CNIH3: variants seen among roughly 807,000 people sequenced by gnomAD.
CNIH3 encodes the protein protein cornichon homolog 3.
Under a neutral mutation model 24.1 loss-of-function variants are expected in CNIH3, and 14 were observed. That is an observed-to-expected ratio of 0.58 (90% CI 0.38 to 0.91). The LOEUF (loss-of-function observed/expected upper bound fraction) is 0.91. CNIH3 is among the 40% of genes least tolerant of loss of function. The pLI is 0.00. For synonymous variants in CNIH3, 68 were observed against 73.8 expected (o/e 0.92, Z 0.40); for missense variants, 178 against 196.8 (o/e 0.90, Z 0.57).
At chr1:224,686,818 G>A (rs570966410) in intron 3 of CNIH3, among the ~76,000 whole-genome samples, 11 of 152,362 alleles carry the variant, frequency 7.2e-5, no homozygotes, top group African/African-American at 2.6e-4. Context: ...CCAGAGCTAA[G>A]GGTATGAAAG....
chr1:224,466,021 TC>T (rs1676140093), intron 1 of CNIH3, among the ~76,000 whole-genome samples: 1 of 151,938 alleles, frequency 6.6e-6, no homozygotes, highest in African/African-American at 2.4e-5. Context: ...AGAATGAAAC[TC>T]CTTCTCAAAA....
intron 2 of CNIH3, among the ~76,000 whole-genome samples, chr1:224,546,532 T>G (rs575810090): frequency 1.3e-5 from 2 of 152,006 alleles, no homozygotes; most frequent in South Asian, 4.2e-4. Context: ...GTCACAGAGG[T>G]GTGGTGGAGC....
Position 224,737,656 on chromosome 1 carries a change from A to C in CNIH3, c.456-1673A>C, listed in dbSNP as rs117597542. Among the ~76,000 whole-genome samples the C allele has an allele frequency of 7.2e-4, 110 of 152,304 alleles. 1 individual carries two copies. In the East Asian group the frequency reaches 8.5e-3, roughly 12 times the overall value. Reference sequence around the variant, plus strand: ...ACTGAGCTCAGGGCTAGAGACCCACACAACAGCGGGGAAGACGGGGTTGAT... The same window carrying C: ...ACTGAGCTCAGGGCTAGAGACCCACCCAACAGCGGGGAAGACGGGGTTGAT... On this transcript the variant is annotated intron_variant, in intron 5 of 5. Coordinates refer to ENST00000272133, the MANE Select transcript of CNIH3 (RefSeq NM_152495.2).
intron 1 of CNIH3, among the ~76,000 whole-genome samples, chr1:224,667,630 A>T (rs1685657392): frequency 6.6e-6 from 1 of 152,188 alleles, no homozygotes; most frequent in Non-Finnish European, 1.5e-5. Context: ...TACCTATTAG[A>T]CTGCAAACGC....
intron 1 of CNIH3, among the ~76,000 whole-genome samples, chr1:224,618,450 G>T (rs1683134096): frequency 6.6e-6 from 1 of 152,242 alleles, no homozygotes; most frequent in Non-Finnish European, 1.5e-5. Context: ...GGAGAAAATT[G>T]CAGGGTGGGT....
intron 1 of CNIH3, among the ~76,000 whole-genome samples, chr1:224,660,403 G>A (rs188524060): frequency 8.2e-4 from 125 of 152,292 alleles, no homozygotes; most frequent in African/African-American, 2.8e-3. Context: ...AATTCAAGAT[G>A]AGATTTGGTT....
chr1:224,724,007 G>T (rs1688884486), intron 3 of CNIH3, among the ~76,000 whole-genome samples: 1 of 152,062 alleles, frequency 6.6e-6, no homozygotes, highest in South Asian at 2.1e-4. Flanking sequence ...CTTAAGCCCA[G>T]GAGTTGAAGA....
chr1:224,487,769 G>A (rs937968006), intron 1 of CNIH3, among the ~76,000 whole-genome samples: 2 of 152,146 alleles, frequency 1.3e-5, no homozygotes, highest in African/African-American at 4.8e-5. Context: ...TCTCACTCTG[G>A]ATCACAATGT....
At chr1:224,569,406 G>A (rs1421082377) in intron 4 of CNIH3, among the ~76,000 whole-genome samples, 2 of 152,238 alleles carry the variant, frequency 1.3e-5, no homozygotes, top group African/African-American at 4.8e-5. Context: ...ATACACCACA[G>A]TGTGGTTTAT....
chr1:224,668,810 A>T (rs574584638), intron 1 of CNIH3, among the ~76,000 whole-genome samples: 29 of 149,628 alleles, frequency 1.9e-4, no homozygotes, highest in Admixed American at 5.4e-4. Context: ...AGGAGGGGGA[A>T]CCTGGGGCTG....
At chr1:224,738,713 C>T (rs944244875) in intron 5 of CNIH3, among the ~76,000 whole-genome samples, 3 of 152,250 alleles carry the variant, frequency 2.0e-5, no homozygotes, top group Admixed American at 2.0e-4. Flanking sequence ...CCCCTTCACC[C>T]CACTCTTAGT....
Position 224,616,852 on chromosome 1 carries a change from G to T in CNIH3, c.-323G>T. The T allele has an allele frequency of 6.0e-6, 7 of 1,171,314 alleles. No individual in the cohort carries two copies. The highest frequency in any genetic ancestry group is 6.2e-5 in the South Asian group (2 of 32,196). 72.6% of individuals were successfully genotyped at this position (1,171,314 alleles called of 1,614,324 possible). A position where few individuals can be genotyped will look rare whatever the true frequency, so the allele number is the denominator to read the frequency against. On this transcript the variant is annotated 5_prime_UTR_variant, in exon 1 of 6. Transcript: ENST00000272133. Reference sequence around the variant, plus strand: ...CATCGCTTGTCGTGTTGGTCTCGAGGGGCTCACAGCTTGGCACTAATTTGC... The same window carrying T: ...CATCGCTTGTCGTGTTGGTCTCGAGTGGCTCACAGCTTGGCACTAATTTGC...
intron 3 of CNIH3, among the ~76,000 whole-genome samples, chr1:224,721,874 G>A (rs561482197): frequency 7.9e-5 from 12 of 152,244 alleles, no homozygotes; most frequent in Admixed American, 7.2e-4. Context: ...GCTCACCTCC[G>A]TCCCAGGAAT....
At chr1:224,497,350 T>C (rs979323688) in intron 1 of CNIH3, among the ~76,000 whole-genome samples, 7 of 152,246 alleles carry the variant, frequency 4.6e-5, no homozygotes, top group Non-Finnish European at 8.8e-5. Context: ...CTGTATACTT[T>C]AACAAATGAT....
At chr1:224,502,982 A>G (rs1324431540) in intron 1 of CNIH3, among the ~76,000 whole-genome samples, 6 of 148,398 alleles carry the variant, frequency 4.0e-5, no homozygotes, top group Non-Finnish European at 6.0e-5. Context: ...GGAGGAGGGA[A>G]GAAACAGCTG....
chr1:224,528,842 A>G (rs1394443231), intron 2 of CNIH3, among the ~76,000 whole-genome samples: 2 of 152,240 alleles, frequency 1.3e-5, no homozygotes, highest in Non-Finnish European at 2.9e-5. Flanking sequence ...GGAGCATATC[A>G]CAAATATCCT....
At chr1:224,516,312 C>CAAAA (rs71574505) in intron 1 of CNIH3, among the ~76,000 whole-genome samples, 1 of 67,748 alleles carries the variant, frequency 1.5e-5, no homozygotes, top group African/African-American at 4.5e-5. Flanking sequence ...GACTCTGTCT[C>CAAAA]AAAAAAAAAA....
rs949680344 is a variant in CNIH3, at chr1:224,574,790, G to T, written n.517-8374G>T. ...GCTGGCCAACCAGCTTCAAGCCTGG[G>T]AAGGAATTTTTCCCATTGGATGAGC... On this transcript the variant is annotated intron_variant and non_coding_transcript_variant, in intron 4 of 5. Coordinates refer to the CNIH3 transcript ENST00000471578. 3.2e-4 allele frequency: 330 copies of T among 1,046,012 alleles called. 1 individual carries two copies. Among genetic ancestry groups the T allele is most frequent in the Non-Finnish European group, 4.7e-4 (312 of 665,366 alleles). The allele number at this position is 1,046,012 out of a possible 1,614,324, so 64.8% of individuals were successfully genotyped here.
At chr1:224,589,883 C>CT (rs887320915), downstream of CNIH3, among the ~76,000 whole-genome samples, 152 of 147,450 alleles carry the variant, frequency 1.0e-3, 1 homozygote, top group East Asian at 5.5e-3. Flanking sequence ...AGGATATCCA[C>CT]TTTTTTTTTT....
Sources: gnomAD v4.1 joint callset for allele counts (sites outside exome capture counted in the v4.1 genomes callset) on GRCh38, gnomAD v4.1.1 for gene constraint, MANE v1.5 for transcripts, NCBI Gene and HGNC (gene_info 2026-07-23, HGNC 2026-07-21) for gene names.